CALN1: variants seen among roughly 807,000 people sequenced by gnomAD.
The protein encoded by CALN1 is calneuron 1.
Under a neutral mutation model 30.6 loss-of-function variants are expected in CALN1, and 17 were observed. The observed-to-expected ratio is 0.56, with a 90% CI of 0.38 to 0.83. The LOEUF is 0.83. Among genes scored for constraint, CALN1 ranks in the 40% least tolerant of loss-of-function variants. The pLI is 0.00. For synonymous variants in CALN1, 156 were observed against 131.4 expected (o/e 1.19, Z -1.28); for missense variants, 291 against 354.9 (o/e 0.82, Z 1.45).
At chr7:72,442,178 C>T (rs748475223) in intron 1 of CALN1, among the ~76,000 whole-genome samples, 2 of 152,152 alleles carry the variant, frequency 1.3e-5, no homozygotes, top group Admixed American at 6.6e-5. Context: ...CCACCATCAC[C>T]TCTCACCTTG....
rs578214407 is a variant in CALN1, at chr7:72,160,742, G to C, written c.245-54448C>G. 7.9e-5 allele frequency among the ~76,000 whole-genome samples: 12 copies of C among 152,262 alleles called. 1 individual carries two copies. In the South Asian group the frequency reaches 2.5e-3, roughly 32 times the overall value. ...CTACTTATTATCTCAGCTTATCTTA[G>C]AATCTCAGCTCCCTCCAGCCTGATA... is the stretch of plus-strand genomic sequence containing the variant. On this transcript the variant is annotated intron_variant, in intron 3 of 6. Transcript: ENST00000395275.
chr7:72,462,850 G>A, the CALN1 span, among the ~76,000 whole-genome samples: 3 of 152,166 alleles, frequency 2.0e-5, no homozygotes, highest in African/African-American at 4.8e-5. Flanking sequence ...CTTTCCTCTA[G>A]CCAGACCACA....
At chr7:71,849,783 A>G (rs1790531568) in intron 5 of CALN1, among the ~76,000 whole-genome samples, 1 of 152,078 alleles carries the variant, frequency 6.6e-6, no homozygotes, top group African/African-American at 2.4e-5. Flanking sequence ...GGCTGGGGCT[A>G]TAGGCGCATG....
intron 5 of CALN1, among the ~76,000 whole-genome samples, chr7:72,007,031 C>T (rs1243601113): frequency 6.6e-6 from 1 of 152,206 alleles, no homozygotes. Context: ...ACTCCACACA[C>T]TGATGAGATG....
chr7:72,410,370 G>A (rs1807040870), intron 1 of CALN1, among the ~76,000 whole-genome samples: 1 of 152,152 alleles, frequency 6.6e-6, no homozygotes, highest in African/African-American at 2.4e-5. Flanking sequence ...ATCTAAAACT[G>A]CCAATCTAGG....
chr7:72,045,917 C>T (rs1011043309), intron 4 of CALN1, among the ~76,000 whole-genome samples: 6 of 148,284 alleles, frequency 4.0e-5, no homozygotes, highest in Admixed American at 6.8e-5. Context: ...AAGAATCACT[C>T]GAACCTGGGA....
chr7:72,112,343 T>C (rs146147087), intron 3 of CALN1, among the ~76,000 whole-genome samples: 2 of 152,344 alleles, frequency 1.3e-5, no homozygotes, highest in East Asian at 1.9e-4. Context: ...TATCTCAGTA[T>C]GTGTACGATG....
intron 2 of CALN1, among the ~76,000 whole-genome samples, chr7:72,334,527 C>T (rs370879801): frequency 1.3e-5 from 2 of 152,114 alleles, no homozygotes; most frequent in South Asian, 2.1e-4. Context: ...CCTGTACCCC[C>T]CCTCCCCTTA....
At chr7:72,019,590 TCTGTGCAGTAGGGAC>T (rs918784153) in intron 5 of CALN1, among the ~76,000 whole-genome samples, 7 of 152,160 alleles carry the variant, frequency 4.6e-5, no homozygotes, top group African/African-American at 1.7e-4. Context: ...TGTGGCAAGG[TCTGTGCAGTAGGGAC>T]CTGAGGGCTC....
intron 4 of CALN1, among the ~76,000 whole-genome samples, chr7:72,084,918 T>TA (rs1328063333): frequency 2.6e-5 from 4 of 152,190 alleles, no homozygotes; most frequent in African/African-American, 9.7e-5. Context: ...AGTAGCGTGA[T>TA]AAAATCTCAT....
chr7:71,917,432 T>C (rs1357578810), intron 5 of CALN1, among the ~76,000 whole-genome samples: 3 of 152,218 alleles, frequency 2.0e-5, no homozygotes, highest in Admixed American at 1.3e-4. Context: ...TCGCCCTACA[T>C]GCATACGAAA....
intron 2 of CALN1, among the ~76,000 whole-genome samples, chr7:72,398,128 T>C (rs1009299258): frequency 6.6e-6 from 1 of 152,076 alleles, no homozygotes; most frequent in Admixed American, 6.6e-5. Context: ...GAAATAAAGA[T>C]GGCAAGCAAA....
chr7:72,188,215 A>G (rs1404253722), intron 3 of CALN1, among the ~76,000 whole-genome samples: 2 of 152,186 alleles, frequency 1.3e-5, no homozygotes, highest in Non-Finnish European at 2.9e-5. Context: ...AAAATGTGGA[A>G]CCAGCCCAAA....
At chr7:72,341,320 C>T (rs1333098512) in intron 2 of CALN1, among the ~76,000 whole-genome samples, 8 of 152,060 alleles carry the variant, frequency 5.3e-5, no homozygotes, top group African/African-American at 1.9e-4. Flanking sequence ...GTCAGGGGTT[C>T]GACACCAGCC....
chr7:72,239,216 C>T (rs1007837394), intron 3 of CALN1, among the ~76,000 whole-genome samples: 4 of 152,182 alleles, frequency 2.6e-5, no homozygotes, highest in East Asian at 3.9e-4. Flanking sequence ...GGGAAGCACA[C>T]CAAGACCCCA....
At chr7:72,500,620 T>C in the CALN1 span, among the ~76,000 whole-genome samples, 1 of 152,114 alleles carries the variant, frequency 6.6e-6, no homozygotes, top group African/African-American at 2.4e-5. Context: ...GCTGTTTATA[T>C]AACCTGTCCA....
intron 1 of CALN1, among the ~76,000 whole-genome samples, chr7:72,442,628 G>A (rs1808385710): frequency 1.3e-5 from 2 of 151,916 alleles, no homozygotes; most frequent in African/African-American, 2.4e-5. Context: ...CTTTATTCAA[G>A]GTTGCAATTG....
intron 5 of CALN1, among the ~76,000 whole-genome samples, chr7:71,947,424 A>T (rs2129523596): frequency 6.6e-6 from 1 of 152,316 alleles, no homozygotes; most frequent in Middle Eastern, 3.4e-3. Context: ...GTTAAAATCC[A>T]GTACAATGAA....
At chr7:72,254,421 G>A (rs139637572) in intron 3 of CALN1, among the ~76,000 whole-genome samples, 1 of 152,240 alleles carries the variant, frequency 6.6e-6, no homozygotes, top group African/African-American at 2.4e-5. Flanking sequence ...ACAACGTGAT[G>A]CATGAGTCCC....
Sources: allele counts gnomAD v4.1 joint callset (sites outside exome capture counted in the v4.1 genomes callset), GRCh38; gene constraint gnomAD v4.1.1; transcripts MANE v1.5; gene names NCBI Gene and HGNC (gene_info 2026-07-23, HGNC 2026-07-21).